Variants in DPP10 observed in about 807,000 individuals in gnomAD.
DPP10 encodes the protein inactive dipeptidyl peptidase 10.
Under a neutral mutation model 120.9 loss-of-function variants are expected in DPP10, and 33 were observed. The observed-to-expected ratio is 0.27, with a 90% confidence interval of 0.21 to 0.37. The LOEUF (loss-of-function observed/expected upper bound fraction) is 0.37, where lower values mean the gene tolerates loss of function less well. Ranked by LOEUF, DPP10 falls within the 10% of genes least tolerant of loss-of-function variation. The pLI, the probability that DPP10 is intolerant of heterozygous loss-of-function variation, is 1.00. For missense variants in DPP10, 816 were observed against 942.8 expected (o/e 0.87, Z 1.76); for synonymous variants, 337 against 326.1 (o/e 1.03, Z -0.36).
chr2:115,139,545 T>C (rs1307874654), intron 1 of DPP10, among the ~76,000 whole-genome samples: 1 of 151,324 alleles, frequency 6.6e-6, no homozygotes, highest in Non-Finnish European at 1.5e-5. Flanking sequence ...GAAAGATCAG[T>C]TATAAAATGG....
chr2:115,133,702 C>T (rs1158688173), intron 1 of DPP10, among the ~76,000 whole-genome samples: 2 of 152,086 alleles, frequency 1.3e-5, no homozygotes, highest in African/African-American at 4.8e-5. Flanking sequence ...TACTTCAAGG[C>T]CCGAGCTGTT....
intron 1 of DPP10, among the ~76,000 whole-genome samples, chr2:114,978,722 A>G (rs1240303389): frequency 6.6e-6 from 1 of 152,188 alleles, no homozygotes. Flanking sequence ...TTCCCAAATA[A>G]AAAATGACAC....
At chr2:114,751,557 C>A (rs1166860863) in intron 1 of DPP10, among the ~76,000 whole-genome samples, 2 of 152,166 alleles carry the variant, frequency 1.3e-5, no homozygotes, top group Non-Finnish European at 2.9e-5. Flanking sequence ...AGCGAAGCTA[C>A]ATGTAGTGGA....
intron 2 of DPP10, among the ~76,000 whole-genome samples, chr2:115,330,371 C>T (rs2062643303): frequency 6.6e-6 from 1 of 151,058 alleles, no homozygotes; most frequent in Non-Finnish European, 1.5e-5. Context: ...AAATTTTCTC[C>T]CATTCTGTAG....
chr2:115,091,772 C>T (rs573469771), intron 1 of DPP10, among the ~76,000 whole-genome samples: 132 of 152,278 alleles, frequency 8.7e-4, no homozygotes, highest in African/African-American at 2.4e-3. Context: ...AGTTCAGTTC[C>T]GTTTCTCTCC....
chr2:114,934,373 C>G (rs114635126), intron 1 of DPP10, among the ~76,000 whole-genome samples: 5,290 of 152,002 alleles, frequency 0.035, 159 homozygotes, highest in Non-Finnish European at 0.049. Flanking sequence ...AAAAAGTAAG[C>G]TAGAGAGAAG....
At chr2:114,957,695 A>C (rs1405112027) in intron 1 of DPP10, among the ~76,000 whole-genome samples, 2 of 152,214 alleles carry the variant, frequency 1.3e-5, no homozygotes, top group Non-Finnish European at 2.9e-5. Flanking sequence ...AACAGACCTA[A>C]GTGTACATCG....
intron 1 of DPP10, among the ~76,000 whole-genome samples, chr2:114,822,370 A>C (rs1686169431): frequency 6.6e-6 from 1 of 152,098 alleles, no homozygotes; most frequent in Non-Finnish European, 1.5e-5. Context: ...CCTAGGCTGC[A>C]CACAGCAGGG....
intron 1 of DPP10, among the ~76,000 whole-genome samples, chr2:114,871,130 A>G (rs1690654449): frequency 7.4e-6 from 1 of 134,598 alleles, no homozygotes; most frequent in Admixed American, 7.9e-5. Context: ...TTTACCCTCT[A>G]GCTTTCCCGA....
At chr2:114,796,981 A>G (rs1015084021) in intron 1 of DPP10, among the ~76,000 whole-genome samples, 1 of 152,194 alleles carries the variant, frequency 6.6e-6, no homozygotes, top group Non-Finnish European at 1.5e-5. Context: ...TTGATCATAG[A>G]ACTCTACTTG....
intron 1 of DPP10, among the ~76,000 whole-genome samples, chr2:114,867,649 G>A (rs1178212438): frequency 1.3e-5 from 2 of 152,184 alleles, no homozygotes; most frequent in East Asian, 3.9e-4. Context: ...ATTCATAGCT[G>A]TTTGCCTCAT....
chr2:114,794,909 T>C (rs761470467), intron 1 of DPP10, among the ~76,000 whole-genome samples: 7 of 152,216 alleles, frequency 4.6e-5, no homozygotes, highest in Non-Finnish European at 8.8e-5. Context: ...GGAATGATAG[T>C]GTAAGCTCTC....
intron 5 of DPP10, chr2:115,578,989 T>G (rs1321872475): frequency 3.3e-5 from 5 of 152,204 alleles, no homozygotes; most frequent in Admixed American, 6.5e-5. Context: ...CCCAAGTGAT[T>G]TTAATTTTTC....
intron 5 of DPP10, among the ~76,000 whole-genome samples, chr2:115,609,184 C>T (rs536422260): frequency 7.5e-4 from 114 of 152,206 alleles, no homozygotes; most frequent in African/African-American, 2.6e-3. Flanking sequence ...CATTAGAAGA[C>T]ATTAAATAAG....
intron 5 of DPP10, among the ~76,000 whole-genome samples, chr2:115,553,744 C>A (rs2080023981): frequency 6.6e-6 from 1 of 151,686 alleles, no homozygotes; most frequent in Non-Finnish European, 1.5e-5. Context: ...CACACCACAA[C>A]CATGATTTGG....
chr2:114,984,946 A>G (rs1019872131), intron 1 of DPP10, among the ~76,000 whole-genome samples: 42 of 152,308 alleles, frequency 2.8e-4, no homozygotes, highest in African/African-American at 1.0e-3. Context: ...TGTATCCATG[A>G]CACACAGCAG....
At chr2:114,464,498 T>C (rs548312731) in intron 1 of DPP10, among the ~76,000 whole-genome samples, 3 of 152,222 alleles carry the variant, frequency 2.0e-5, no homozygotes, top group Admixed American at 6.5e-5. Flanking sequence ...TTCAGATACA[T>C]ATCGTTTATT....
chr2:114,668,636 G>A (rs368697899), intron 1 of DPP10, among the ~76,000 whole-genome samples: 3 of 152,092 alleles, frequency 2.0e-5, no homozygotes, highest in Admixed American at 6.6e-5. Flanking sequence ...ATGAAAAGTA[G>A]CCTAAGGTAA....
At chr2:114,655,056 C>T (rs1696872634) in intron 1 of DPP10, among the ~76,000 whole-genome samples, 1 of 152,100 alleles carries the variant, frequency 6.6e-6, no homozygotes, top group Admixed American at 6.6e-5. Flanking sequence ...TTCGGTGCTT[C>T]ATACACAAAA....
Sources: gnomAD v4.1 joint callset for allele counts (sites outside exome capture counted in the v4.1 genomes callset) on GRCh38, gnomAD v4.1.1 for gene constraint, MANE v1.5 for transcripts, NCBI Gene and HGNC (gene_info 2026-07-23, HGNC 2026-07-21) for gene names.